Variants in RABGAP1 observed in about 807,000 individuals in gnomAD.
The protein encoded by RABGAP1 is RAB GTPase activating protein 1, also known as rab GTPase-activating protein 1.
A neutral mutation model predicts 137.6 loss-of-function variants in RABGAP1; 23 were observed. The observed-to-expected ratio is 0.17, with a 90% CI of 0.12 to 0.24. RABGAP1 has a LOEUF of 0.24. RABGAP1 is among the 10% of genes least tolerant of loss of function. The pLI is 1.00. For missense variants in RABGAP1, 906 were observed against 1,275.8 expected (o/e 0.71, Z 4.42); for synonymous variants, 451 against 450.7 (o/e 1.00, Z -0.01).
chr9:123,057,009 T>A (rs1357286402), intron 13 of RABGAP1, among the ~76,000 whole-genome samples: 1 of 151,930 alleles, frequency 6.6e-6, no homozygotes, highest in African/African-American at 2.4e-5. Context: ...CCAGATGCGG[T>A]GGTGGCCGGG....
chr9:122,939,930 A>T (rs1362997412), upstream of RABGAP1: 2 of 152,224 alleles, frequency 1.3e-5, no homozygotes, highest in African/African-American at 4.8e-5. Context: ...ACTCACCAGG[A>T]AAAGAGCATA....
chr9:123,022,290 G>C (rs1021483598), intron 13 of RABGAP1, among the ~76,000 whole-genome samples: 16 of 152,124 alleles, frequency 1.1e-4, no homozygotes, highest in Admixed American at 4.6e-4. Flanking sequence ...TGATAGAAAA[G>C]GAACCTGGTA....
At chr9:123,076,006 CTTA>C (rs1396917068) in intron 17 of RABGAP1, among the ~76,000 whole-genome samples, 15 of 152,110 alleles carry the variant, frequency 9.9e-5, no homozygotes, top group Admixed American at 8.5e-4. Context: ...AAAAGCATTT[CTTA>C]TTATTGAATA....
intron 19 of RABGAP1, among the ~76,000 whole-genome samples, chr9:123,083,031 G>C (rs530294282): frequency 1.1e-4 from 17 of 152,332 alleles, no homozygotes; most frequent in Admixed American, 2.0e-4. Context: ...CTCATACAGT[G>C]AAATAATCCT....
At chr9:122,934,085 T>TC in the RABGAP1 span, among the ~76,000 whole-genome samples, 20 of 150,858 alleles carry the variant, frequency 1.3e-4, no homozygotes, top group East Asian at 9.8e-4. Flanking sequence ...TCTTTTCTTT[T>TC]TTTTTTTTTT....
intron 19 of RABGAP1, among the ~76,000 whole-genome samples, chr9:123,078,417 G>A (rs774372982): frequency 8.6e-5 from 13 of 152,026 alleles, no homozygotes; most frequent in East Asian, 3.8e-4. Flanking sequence ...CGACGATATC[G>A]TATGTACAGT....
intron 13 of RABGAP1, among the ~76,000 whole-genome samples, chr9:123,031,729 A>G (rs1402618231): frequency 1.3e-5 from 2 of 152,210 alleles, no homozygotes; most frequent in African/African-American, 2.4e-5. Flanking sequence ...AATGTTGGAA[A>G]AATACAGAGG....
Position 123,103,588 on chromosome 9 carries a change from C to CATATAT in RABGAP1, c.*419_*424dup. 4.5e-3 allele frequency: 202 copies of CATATAT among 44,914 alleles called. 2 individuals are homozygous for CATATAT. The highest frequency in any genetic ancestry group is 7.9e-3 in the Admixed American group (22 of 2,778). 2.8% of individuals were successfully genotyped at this position (44,914 alleles called of 1,614,324 possible). A position where few individuals can be genotyped will look rare whatever the true frequency, so the allele number is the denominator to read the frequency against. The stretch of plus-strand genomic sequence containing the variant: ...TTCTAAACCTTTTTTTTTTAATATA[C>CATATAT]ATATATATATATATATATATATATA... On this transcript the variant is annotated 3_prime_UTR_variant, in exon 26 of 26. Transcript: ENST00000373647.
At chr9:123,030,197 G>A (rs1344991545) in intron 13 of RABGAP1, among the ~76,000 whole-genome samples, 1 of 148,972 alleles carries the variant, frequency 6.7e-6, no homozygotes, top group East Asian at 1.9e-4. Context: ...TGACATTTTG[G>A]GAGTCCATTT....
At chr9:123,091,404 C>T (rs988210693) in intron 21 of RABGAP1, among the ~76,000 whole-genome samples, 7 of 152,140 alleles carry the variant, frequency 4.6e-5, no homozygotes, top group Non-Finnish European at 8.8e-5. Context: ...ATTTAGTTCT[C>T]CTAGGTAGAA....
Position 122,975,220 on chromosome 9 carries a change from C to T in RABGAP1, c.151-9265C>T, listed in dbSNP as rs1196637105. Among the ~76,000 whole-genome samples, 47 of 152,176 alleles carry T rather than the reference C, an allele frequency of 3.1e-4. 1 individual carries two copies. The highest frequency in any genetic ancestry group is 1.3e-4 in the Admixed American group (2 of 15,268). On this transcript the variant is annotated intron_variant, in intron 2 of 25. Coordinates refer to ENST00000373647, the MANE Select transcript of RABGAP1 (RefSeq NM_012197.4). ...CAAGCACAAAGTGTCCCTTCCTAAGCATGTTTTCTTGAGGGCCTAAATATC... is the reference window on the plus strand; with the variant it reads ...CAAGCACAAAGTGTCCCTTCCTAAGTATGTTTTCTTGAGGGCCTAAATATC...
chr9:123,035,540 C>G, intron 13 of RABGAP1: 1 of 1,613,942 alleles, frequency 6.2e-7, no homozygotes, highest in Non-Finnish European at 8.5e-7. Context: ...ATGTGTACTT[C>G]TTGTGCAAGT....
upstream of RABGAP1, chr9:122,941,001 G>C (rs1426051763): frequency 7.2e-6 from 1 of 139,630 alleles, no homozygotes; most frequent in African/African-American, 2.6e-5. Context: ...GTAAAGGGGT[G>C]GGGGGGCGGG....
intron 1 of RABGAP1, among the ~76,000 whole-genome samples, chr9:122,942,287 C>CT (rs1029035108): frequency 1.3e-5 from 2 of 152,168 alleles, no homozygotes; most frequent in East Asian, 3.9e-4. Context: ...GTTCATCCAA[C>CT]TTTTTTTTAA....
At chr9:123,002,461 C>T (rs1837373629) in intron 10 of RABGAP1, among the ~76,000 whole-genome samples, 2 of 150,590 alleles carry the variant, frequency 1.3e-5, no homozygotes, top group Admixed American at 6.6e-5. Context: ...AGCATTCTAA[C>T]CCTTTAATCT....
intron 19 of RABGAP1, among the ~76,000 whole-genome samples, chr9:123,079,329 T>G (rs2034634143): frequency 6.8e-6 from 1 of 147,682 alleles, no homozygotes; most frequent in Admixed American, 6.8e-5. Flanking sequence ...AACCTCCGCC[T>G]CCCGGGTTCA....
chr9:122,949,095 G>A (rs1332763959), intron 1 of RABGAP1, among the ~76,000 whole-genome samples: 1 of 152,228 alleles, frequency 6.6e-6, no homozygotes, highest in Admixed American at 6.5e-5. Flanking sequence ...GAAGCGTTGG[G>A]CTAGGTGCGG....
At chr9:122,963,285 A>G (rs1014811952) in intron 2 of RABGAP1, among the ~76,000 whole-genome samples, 7 of 152,222 alleles carry the variant, frequency 4.6e-5, no homozygotes, top group African/African-American at 1.4e-4. Context: ...ACTGCTTTCA[A>G]TAATGAAGGG....
chr9:123,008,563 G>A (rs200154033), intron 10 of RABGAP1, among the ~76,000 whole-genome samples: 44 of 138,364 alleles, frequency 3.2e-4, no homozygotes, highest in East Asian at 1.6e-3. Flanking sequence ...AAAAAAAAAA[G>A]AGCTATTGCT....
Sources: allele counts gnomAD v4.1 joint callset (sites outside exome capture counted in the v4.1 genomes callset), GRCh38; gene constraint gnomAD v4.1.1; transcripts MANE v1.5; gene names NCBI Gene and HGNC (gene_info 2026-07-23, HGNC 2026-07-21).